The following CAMK1D variants were observed in gnomAD, a reference collection of about 807,000 sequenced individuals.
CAMK1D encodes calcium/calmodulin-dependent protein kinase type 1D.
In CAMK1D, 9 loss-of-function variants were observed where a neutral mutation model predicts 47.7. The ratio of observed to expected loss-of-function variants is 0.19; its 90% CI spans 0.11 to 0.33. CAMK1D has a LOEUF of 0.33. Among genes scored for constraint, CAMK1D ranks in the 10% least tolerant of loss-of-function variants. The pLI is 1.00. For synonymous variants in CAMK1D, 184 were observed against 184.9 expected (o/e 0.99, Z 0.04); for missense variants, 291 against 488.7 (o/e 0.60, Z 3.81).
chr10:12,606,826 AT>A (rs372037613), intron 2 of CAMK1D, among the ~76,000 whole-genome samples: 74 of 150,140 alleles, frequency 4.9e-4, no homozygotes, highest in African/African-American at 1.5e-3. Context: ...GTGACAGATA[AT>A]TTTTTTTTTC....
At chr10:12,595,355 A>AAAAAAAAAAAAAAAAAAAAAG (rs1838115933) in intron 2 of CAMK1D, among the ~76,000 whole-genome samples, 1 of 149,562 alleles carries the variant, frequency 6.7e-6, no homozygotes, top group Non-Finnish European at 1.5e-5. Flanking sequence ...AAAAAAAAAA[A>AAAAAAAAAAAAAAAAAAAAAG]AAAAAAAAAG....
chr10:12,660,871 A>G (rs1344966756), intron 2 of CAMK1D, among the ~76,000 whole-genome samples: 4 of 152,344 alleles, frequency 2.6e-5, no homozygotes, highest in East Asian at 3.9e-4. Context: ...TCCCTTATGG[A>G]TGAAGATCCT....
At chr10:12,693,079 A>G (rs1042960412) in intron 3 of CAMK1D, among the ~76,000 whole-genome samples, 2 of 152,086 alleles carry the variant, frequency 1.3e-5, no homozygotes, top group Non-Finnish European at 2.9e-5. Flanking sequence ...AAGAGCAAAG[A>G]CTAGCTGGGC....
chr10:12,373,580 C>T (rs1350867395), intron 1 of CAMK1D, among the ~76,000 whole-genome samples: 3 of 151,664 alleles, frequency 2.0e-5, no homozygotes, highest in Non-Finnish European at 4.4e-5. Flanking sequence ...TGCAGTGAGC[C>T]GAGATCGTGC....
chr10:12,567,920 T>C (rs1210580654), intron 2 of CAMK1D, among the ~76,000 whole-genome samples: 2 of 152,174 alleles, frequency 1.3e-5, no homozygotes, highest in African/African-American at 4.8e-5. Flanking sequence ...GCAAATCTGT[T>C]TGTGGGCTCT....
At chr10:12,543,782 G>A (rs1021519689) in intron 1 of CAMK1D, among the ~76,000 whole-genome samples, 3 of 152,092 alleles carry the variant, frequency 2.0e-5, no homozygotes, top group African/African-American at 4.8e-5. Flanking sequence ...CTCACTGGTC[G>A]CTTGGACCTC....
chr10:12,372,695 C>A (rs1044330778), intron 1 of CAMK1D, among the ~76,000 whole-genome samples: 3 of 152,176 alleles, frequency 2.0e-5, no homozygotes, highest in Admixed American at 6.5e-5. Context: ...GCCTCGTGAT[C>A]ACGGCTCACT....
At chr10:12,424,125 A>G (rs555332177) in intron 1 of CAMK1D, among the ~76,000 whole-genome samples, 1 of 152,072 alleles carries the variant, frequency 6.6e-6, no homozygotes, top group African/African-American at 2.4e-5. Context: ...TCGGTGGGAT[A>G]ATTCCCAAGC....
chr10:12,669,047 C>A (rs140215170), intron 3 of CAMK1D, among the ~76,000 whole-genome samples: 1 of 152,124 alleles, frequency 6.6e-6, no homozygotes, highest in African/African-American at 2.4e-5. Context: ...GCCTGGCCAA[C>A]ATGGTGAAAC....
chr10:12,427,091 C>T (rs1362594825), intron 1 of CAMK1D, among the ~76,000 whole-genome samples: 1 of 152,210 alleles, frequency 6.6e-6, no homozygotes, highest in Non-Finnish European at 1.5e-5. Flanking sequence ...CTCAAGCGAT[C>T]CTCCTGCCTT....
intron 1 of CAMK1D, among the ~76,000 whole-genome samples, chr10:12,530,532 A>G (rs1835770840): frequency 6.6e-6 from 1 of 152,192 alleles, no homozygotes; most frequent in Admixed American, 6.5e-5. Flanking sequence ...ACATGCTAAT[A>G]GTTTTGGTTT....
chr10:12,504,804 G>A (rs1013115853), intron 1 of CAMK1D, among the ~76,000 whole-genome samples: 2 of 152,130 alleles, frequency 1.3e-5, no homozygotes, highest in Admixed American at 6.5e-5. Context: ...CTCCCGGGAC[G>A]GGGCTCCTCT....
chr10:12,481,137 A>C (rs1230706003), intron 1 of CAMK1D, among the ~76,000 whole-genome samples: 1 of 152,258 alleles, frequency 6.6e-6, no homozygotes, highest in Non-Finnish European at 1.5e-5. Context: ...AATTGTTACC[A>C]GCCATTATTC....
At chr10:12,811,711 A>G (rs1380419846) in intron 6 of CAMK1D, among the ~76,000 whole-genome samples, 1 of 152,248 alleles carries the variant, frequency 6.6e-6, no homozygotes, top group Non-Finnish European at 1.5e-5. Context: ...GCCAAACCCT[A>G]AAGAAAAACA....
At chr10:12,560,554 G>A (rs1315193553) in intron 2 of CAMK1D, among the ~76,000 whole-genome samples, 10 of 89,034 alleles carry the variant, frequency 1.1e-4, no homozygotes, top group Admixed American at 2.4e-4. Context: ...ACTCTATCTC[G>A]GAAAAAAAAA....
intron 1 of CAMK1D, among the ~76,000 whole-genome samples, chr10:12,485,761 A>G (rs967992798): frequency 6.6e-6 from 1 of 152,252 alleles, no homozygotes; most frequent in Non-Finnish European, 1.5e-5. Context: ...AACTTTCAGA[A>G]GAAAATTGCT....
intron 4 of CAMK1D, among the ~76,000 whole-genome samples, chr10:12,761,500 T>A (rs1836507100): frequency 6.6e-6 from 1 of 151,860 alleles, no homozygotes; most frequent in African/African-American, 2.4e-5. Context: ...AAGAGAGCAG[T>A]GGTCAGACAT....
intron 1 of CAMK1D, among the ~76,000 whole-genome samples, chr10:12,351,053 C>T (rs1422144425): frequency 2.0e-5 from 3 of 152,098 alleles, no homozygotes; most frequent in Admixed American, 1.3e-4. Context: ...CACCACATTA[C>T]CCAGCTTGTC....
At position 12,405,975 on chromosome 10, in the gene CAMK1D, A is replaced by G. The variant is rs1300359220; in HGVS notation, c.92+56065A>G. Among the ~76,000 whole-genome samples the G allele has an allele frequency of 2.0e-5, 3 of 152,132 alleles. No homozygotes were observed. In the East Asian group the frequency reaches 5.8e-4, roughly 29 times the overall value. On this transcript the variant is annotated intron_variant, in intron 1 of 10. Transcript: ENST00000619168. ...GAGAAAGGGCAAATGCGAGCATCTG[A>G]TTTGTTTGTACCAGTGCTGCTTGGA...
Sources: gnomAD v4.1 joint callset for allele counts (sites outside exome capture counted in the v4.1 genomes callset) on GRCh38, gnomAD v4.1.1 for gene constraint, MANE v1.5 for transcripts, NCBI Gene and HGNC (gene_info 2026-07-23, HGNC 2026-07-21) for gene names.